Variants in GATA3 observed in about 807,000 individuals in gnomAD.
The protein encoded by GATA3 is GATA binding protein 3.
GATA3 carries 6 observed loss-of-function variants against 36.0 expected under a neutral mutation model. That is an observed-to-expected ratio of 0.17 (90% CI 0.09 to 0.33). The LOEUF (loss-of-function observed/expected upper bound fraction) is 0.33. Among genes scored for constraint, GATA3 ranks in the 10% least tolerant of loss-of-function variants. The pLI is 1.00. For missense variants in GATA3, 514 were observed against 610.1 expected, an observed-to-expected ratio of 0.84 and a Z score of 1.66; for synonymous variants, 326 against 273.0, an observed-to-expected ratio of 1.19 and a Z score of -1.92.
chr10:8,046,622 G>A (rs535403249), intron 1 of GATA3, among the ~76,000 whole-genome samples: 1 of 150,864 alleles, frequency 6.6e-6, no homozygotes, highest in South Asian at 2.1e-4. Context: ...CTGTAAATGA[G>A]ATGCTTGGGG....
At chr10:8,056,901 A>T (rs1832649052) in intron 2 of GATA3, among the ~76,000 whole-genome samples, 1 of 152,120 alleles carries the variant, frequency 6.6e-6, no homozygotes, top group Admixed American at 6.5e-5. Flanking sequence ...TCGGGCAGAA[A>T]AAGTGTGGGG....
intron 4 of GATA3, 128 bp downstream of exon 4, chr10:8,064,266 C>T: frequency 2.8e-6 from 2 of 720,476 alleles, no homozygotes; most frequent in Non-Finnish European, 4.1e-6. Flanking sequence ...TGGCTTGGGA[C>T]AGTTTTTTTT....
At chr10:8,050,161 C>T (rs1195799619), upstream of GATA3, among the ~76,000 whole-genome samples, 1 of 152,256 alleles carries the variant, frequency 6.6e-6, no homozygotes, top group African/African-American at 2.4e-5. Context: ...CGCGCAGCCT[C>T]GGCCACTCTT....
At chr10:8,045,708 C>T (rs2131461913) in intron 1 of GATA3, among the ~76,000 whole-genome samples, 1 of 152,188 alleles carries the variant, frequency 6.6e-6, no homozygotes, top group African/African-American at 2.4e-5. Flanking sequence ...TGGGCGGGTA[C>T]GGTGTGTGAG....
At chr10:8,067,295 T>G (rs1240658505) in intron 4 of GATA3, among the ~76,000 whole-genome samples, 4 of 152,184 alleles carry the variant, frequency 2.6e-5, no homozygotes, top group Admixed American at 6.5e-5. Context: ...GCCAGGGCAG[T>G]TTTTAGTTTC....
chr10:8,062,053 T>C (rs371668), intron 3 of GATA3, among the ~76,000 whole-genome samples: 94,659 of 152,124 alleles, frequency 0.62, 29,468 homozygotes, highest in South Asian at 0.68. Context: ...GCGGCCTGGC[T>C]TGGGCTGCAG....
At position 8,055,795 on chromosome 10, in the gene GATA3, T is replaced by C; in HGVS notation, c.140T>C (p.Val47Ala). The C allele has an allele frequency of 6.3e-7, 1 of 1,590,770 alleles. No homozygotes were observed. The highest frequency in any genetic ancestry group is 8.6e-7 in the Non-Finnish European group (1 of 1,169,056). The change falls in exon 2 of 6, where the codon GTG becomes GCG. Residue 47 changes from valine to alanine, a missense_variant. Val to Ala is a moderately conservative substitution (Grantham distance 64, BLOSUM62 0). This residue lies in a region of GATA3 where 381 missense variants were observed against 354.3 expected (regional missense o/e 1.08). Coordinates refer to ENST00000379328, the MANE Select transcript of GATA3 (RefSeq NM_001002295.2). This position sits in a 1 kb window ranked among gnomAD's most constrained non-coding sequence, Gnocchi z 5.4. The stretch of plus-strand genomic sequence containing the variant: ...GCGCAGTACCCGCTGCCGGAGGAGG[T>C]GGATGTGCTTTTTAACATCGACGGT... Reference protein sequence around the residue: ...DAAQYPLPEEVDVLFNIDGQG... With the variant: ...DAAQYPLPEEADVLFNIDGQG...
At chr10:8,056,443 CCCTTCTCCTTGA>C (rs1306433411) in intron 2 of GATA3, among the ~76,000 whole-genome samples, 1 of 152,240 alleles carries the variant, frequency 6.6e-6, no homozygotes, top group African/African-American at 2.4e-5. Flanking sequence ...TTTATTCACA[CCCTTCTCCTTGA>C]CCTTTTCCCA....
At chr10:8,048,520 T>G (rs1303063745) in intron 1 of GATA3, among the ~76,000 whole-genome samples, 10 of 152,082 alleles carry the variant, frequency 6.6e-5, no homozygotes, top group Admixed American at 2.0e-4. Flanking sequence ...CTGATGCCAC[T>G]GGGGGCAGGG....
Position 8,058,682 on chromosome 10 carries a change from G to T in GATA3, c.619G>T (p.Ala207Ser), listed in dbSNP as rs1218595084. Residue 207 changes from alanine (A) to serine (S), a missense_variant, in exon 3 of 6, where the codon GCC (alanine) becomes TCC (serine). Ala to Ser is a moderately conservative substitution (Grantham distance 99). Around this residue, in one of 3 missense-constraint regions of GATA3, gnomAD observed 381 missense variants for 354.3 expected, o/e 1.08. Coordinates refer to ENST00000379328, the MANE Select transcript of GATA3 (RefSeq NM_001002295.2). ...ESSHSRGSMT[A>S]LGGASSSTHH... ...GTCCCACTCCCGTGGCAGCATGACC[G>T]CCCTGGGTGGAGCCTCCTCGTCGAC... 1 of 1,613,118 alleles carries T rather than the reference G, an allele frequency of 6.2e-7. No homozygotes were observed.
upstream of GATA3, among the ~76,000 whole-genome samples, chr10:8,050,077 C>T (rs1053499229): frequency 2.0e-5 from 3 of 152,204 alleles, no homozygotes; most frequent in Non-Finnish European, 4.4e-5. Context: ...CCCAGTCGCC[C>T]TTTACAATTC....
At chr10:8,067,591 G>A (rs1832863240) in intron 4 of GATA3, among the ~76,000 whole-genome samples, 3 of 152,140 alleles carry the variant, frequency 2.0e-5, no homozygotes, top group African/African-American at 7.2e-5. Context: ...GGCCAAGGCG[G>A]GTAGATCATG....
At chr10:8,051,008 C>A, upstream of GATA3, 1 of 511,744 alleles carries the variant, frequency 2.0e-6, no homozygotes, top group South Asian at 1.5e-5. Flanking sequence ...GTGGCCCGGC[C>A]GCGAGCATCT....
At chr10:8,046,152 A>G (rs263426) in intron 1 of GATA3, among the ~76,000 whole-genome samples, 7,467 of 152,254 alleles carry the variant, frequency 0.049, 602 homozygotes, top group African/African-American at 0.17. Flanking sequence ...CGGAAGGGGC[A>G]GAGAGGACAA....
rs422628 is a variant in GATA3, at chr10:8,069,446, C to T, written c.925-27C>T. ...ACACATTTAACATTTGTTTTGATTT[C>T]ACCCTCTCCTCTCTCCCCACTCTCA... On this transcript the variant is annotated intron_variant, in intron 4 of 5. Coordinates refer to ENST00000379328, the MANE Select transcript of GATA3 (RefSeq NM_001002295.2). 0.77 allele frequency: 1,244,069 copies of T among 1,606,638 alleles called. 483,999 individuals are homozygous for T. The highest frequency in any genetic ancestry group is 0.96 in the East Asian group (42,915 of 44,836).
chr10:8,074,041 A>C lies in GATA3; in HGVS notation c.*18A>C, dbSNP rs372517287. ...TGGGTTAGAGCCCTGCTCGATGCTC[A>C]CAGGGCCCCCAGCGAGAGTCCCTGC... On this transcript the variant is annotated 3_prime_UTR_variant, in exon 6 of 6. Transcript: ENST00000379328. 6.2e-7 allele frequency: 1 copy of C among 1,613,352 alleles called. No individual in the cohort carries two copies.
chr10:8,064,182 G>T (rs769756243), intron 4 of GATA3, 44 bp downstream of exon 4: 1 of 1,612,954 alleles, frequency 6.2e-7, no homozygotes, highest in Non-Finnish European at 8.5e-7. Flanking sequence ...ACCATTCTGG[G>T]TTTCTCATTT....
At chr10:8,069,689 C>T in intron 5 of GATA3, 91 bp downstream of exon 5, 1 of 1,443,394 alleles carries the variant, frequency 6.9e-7, no homozygotes, top group Middle Eastern at 1.8e-4. Flanking sequence ...GTGAATCGCT[C>T]ACCATGGGGG....
At chr10:8,053,648 G>A (rs1018158468), upstream of GATA3, 16 of 152,434 alleles carry the variant, frequency 1.0e-4, no homozygotes, top group South Asian at 2.1e-4. The surrounding 1 kb of genome is among the most constrained non-coding windows in gnomAD (Gnocchi z 5.1). Context: ...GGTGCCCATT[G>A]CGCAGAGCGT....
Sources: gnomAD v4.1 joint callset for allele counts (sites outside exome capture counted in the v4.1 genomes callset) on GRCh38, gnomAD v4.1.1 for gene constraint, gnomAD v4.1.1 regional missense constraint, Gnocchi (gnomAD v3.1) non-coding constraint, MANE v1.5 for transcripts, NCBI Gene and HGNC (gene_info 2026-07-23, HGNC 2026-07-21) for gene names.